The following STARD10 variants were observed in gnomAD, a reference collection of about 807,000 sequenced individuals.
STARD10 encodes the protein START domain-containing protein 10.
In STARD10, 24 loss-of-function variants were observed where a neutral mutation model predicts 36.0. The ratio of observed to expected loss-of-function variants is 0.67; its 90% CI spans 0.48 to 0.94. STARD10 has a LOEUF of 0.94. Ranked by LOEUF, STARD10 falls within the 40% of genes least tolerant of loss-of-function variation. STARD10 has a pLI of 0.00. For synonymous variants in STARD10, 156 were observed against 161.9 expected (o/e 0.96, Z 0.28); for missense variants, 335 against 396.6 (o/e 0.84, Z 1.32).
At chr11:72,792,212 G>A (rs536881636) in intron 1 of STARD10, among the ~76,000 whole-genome samples, 3 of 151,364 alleles carry the variant, frequency 2.0e-5, no homozygotes, top group African/African-American at 7.3e-5. Flanking sequence ...ACAACGCCCG[G>A]TTAATTTTTT....
intron 4 of STARD10, 83 bp from the exon 5 acceptor site, chr11:72,757,967 G>GCA: frequency 8.9e-7 from 1 of 1,119,640 alleles, no homozygotes; most frequent in Non-Finnish European, 1.4e-6. Context: ...ACGCGCACGC[G>GCA]CACACACACA....
chr11:72,773,653 C>T (rs1160361106), intron 2 of STARD10, among the ~76,000 whole-genome samples: 2 of 152,176 alleles, frequency 1.3e-5, no homozygotes, highest in African/African-American at 2.4e-5. Context: ...CCAGCACCTG[C>T]CCCTGAGGAG....
chr11:72,775,202 A>C (rs1858914845), intron 2 of STARD10, among the ~76,000 whole-genome samples: 2 of 152,208 alleles, frequency 1.3e-5, no homozygotes, highest in South Asian at 4.1e-4. Flanking sequence ...GAGTTATGCT[A>C]TAACCATCAT....
At chr11:72,773,504 G>C (rs978746623) in intron 2 of STARD10, among the ~76,000 whole-genome samples, 2 of 152,336 alleles carry the variant, frequency 1.3e-5, no homozygotes, top group African/African-American at 2.4e-5. Flanking sequence ...CACACACACA[G>C]AGTAACGCCA....
intron 2 of STARD10, among the ~76,000 whole-genome samples, chr11:72,766,628 CCT>C (rs1208061877): frequency 1.3e-5 from 2 of 152,136 alleles, no homozygotes; most frequent in African/African-American, 2.4e-5. Flanking sequence ...TCTCCCGCCC[CCT>C]GACTGTGTTC....
In STARD10 at chr11:72,754,767, A is replaced by T; in HGVS notation, c.*130T>A. 7.3e-7 allele frequency: 1 copy of T among 1,364,948 alleles called. No homozygotes were observed. The highest frequency in any genetic ancestry group is 1.3e-5 in the South Asian group (1 of 79,196). 84.6% of individuals were successfully genotyped at this position (1,364,948 alleles called of 1,614,324 possible). A position where few individuals can be genotyped will look rare whatever the true frequency, so the allele number is the denominator to read the frequency against. ...TCGTTTATTGGGGCTCTGTCCAGCC[A>T]GGCTGCAGCACCCGCCTGGGCCTGG... On this transcript the variant is annotated 3_prime_UTR_variant, in exon 7 of 7. Transcript: ENST00000334805.
intron 2 of STARD10, among the ~76,000 whole-genome samples, chr11:72,779,773 T>G (rs1858969106): frequency 6.6e-6 from 1 of 151,900 alleles, no homozygotes; most frequent in Admixed American, 6.6e-5. Flanking sequence ...ATGGCCAAGG[T>G]GCAGACAGAG....
intron 1 of STARD10, among the ~76,000 whole-genome samples, chr11:72,787,632 G>GA (rs1859090615): frequency 6.6e-6 from 1 of 152,226 alleles, no homozygotes; most frequent in Non-Finnish European, 1.5e-5. Context: ...CAGTTCGATT[G>GA]CGGGGTCGAT....
At chr11:72,790,869 G>C (rs191468290) in intron 1 of STARD10, among the ~76,000 whole-genome samples, 1 of 152,198 alleles carries the variant, frequency 6.6e-6, no homozygotes, top group Non-Finnish European at 1.5e-5. Flanking sequence ...AGAAATGCAG[G>C]CACCCAGGGC....
chr11:72,764,676 GTAATT>G (rs1223011514), intron 2 of STARD10, among the ~76,000 whole-genome samples: 1 of 152,228 alleles, frequency 6.6e-6, no homozygotes, highest in Non-Finnish European at 1.5e-5. Context: ...CCCCAAAGGT[GTAATT>G]CTAAGAGGCT....
chr11:72,759,419 G>A (rs1858688423), intron 2 of STARD10, 38 bp from the exon 3 acceptor site: 1 of 1,610,796 alleles, frequency 6.2e-7, no homozygotes, highest in Non-Finnish European at 8.5e-7. Context: ...GATCATATGG[G>A]GCTCAGAGCC....
chr11:72,755,281 T>G, intron 6 of STARD10, 139 bp from the exon 7 acceptor site: 2 of 740,314 alleles, frequency 2.7e-6, no homozygotes, highest in Non-Finnish European at 4.1e-6. Context: ...TTGCCCTCCC[T>G]GGGCCCTAGG....
At chr11:72,783,632 T>C (rs1859033317) in intron 1 of STARD10, 1 of 153,026 alleles carries the variant, frequency 6.5e-6, no homozygotes, top group African/African-American at 2.4e-5. Flanking sequence ...TGCTTTGCTT[T>C]GTGAACTGTA....
chr11:72,776,127 C>G (rs1215873947), intron 2 of STARD10, among the ~76,000 whole-genome samples: 1 of 152,190 alleles, frequency 6.6e-6, no homozygotes, highest in Non-Finnish European at 1.5e-5. Context: ...CCAGGCAGCT[C>G]AGGGCCTAAC....
At chr11:72,757,243 G>C (rs898560684) in intron 5 of STARD10, among the ~76,000 whole-genome samples, 1 of 152,160 alleles carries the variant, frequency 6.6e-6, no homozygotes, top group African/African-American at 2.4e-5. Context: ...TGACTGAAAA[G>C]TGGAGACTTA....
intron 2 of STARD10, among the ~76,000 whole-genome samples, chr11:72,765,315 GAC>G (rs1391018821): frequency 6.6e-6 from 1 of 152,086 alleles, no homozygotes; most frequent in Non-Finnish European, 1.5e-5. Flanking sequence ...GGGAGCAAGT[GAC>G]ACCAGAGAAA....
rs1016106498 is a variant in STARD10, at chr11:72,757,697, A to G, written c.577+70T>C. On this transcript the variant is annotated intron_variant, in intron 5 of 6. Transcript: ENST00000334805. ...CTAACAGATGCCCTTCTGGATCCCTAGTAGATCAGGCCCCACCCCTGTGGT... is the reference window on the plus strand; with the variant it reads ...CTAACAGATGCCCTTCTGGATCCCTGGTAGATCAGGCCCCACCCCTGTGGT... 7 of 1,399,604 alleles carry G rather than the reference A, an allele frequency of 5.0e-6. No individual in the cohort carries two copies. In the African/African-American group the frequency reaches 7.1e-5, roughly 14 times the overall value. 86.7% of individuals were successfully genotyped at this position (1,399,604 alleles called of 1,614,324 possible). A position where few individuals can be genotyped will look rare whatever the true frequency, so the allele number is the denominator to read the frequency against.
chr11:72,757,901 C>T lies in STARD10; in HGVS notation c.460-17G>A, dbSNP rs1345008905. ...TGGGTATTTCTGGGGATGGAAGGCA[C>T]AGGGAGGTGAGACTCGGGGTGGGGG... On this transcript the variant is annotated splice_polypyrimidine_tract_variant and intron_variant, in intron 4 of 6. Coordinates refer to ENST00000334805, the MANE Select transcript of STARD10 (RefSeq NM_006645.3). 21 of 1,612,112 alleles carry T rather than the reference C, an allele frequency of 1.3e-5. No individual in the cohort carries two copies. The highest frequency in any genetic ancestry group is 1.8e-5 in the Non-Finnish European group (21 of 1,178,178).
At chr11:72,779,484 G>A (rs1858965744) in intron 2 of STARD10, among the ~76,000 whole-genome samples, 1 of 152,130 alleles carries the variant, frequency 6.6e-6, no homozygotes, top group South Asian at 2.1e-4. Flanking sequence ...CCCAGCTACT[G>A]CTGGGAGGCA....
Sources: allele counts gnomAD v4.1 joint callset (sites outside exome capture counted in the v4.1 genomes callset), GRCh38; gene constraint gnomAD v4.1.1; transcripts MANE v1.5; gene names NCBI Gene and HGNC (gene_info 2026-07-23, HGNC 2026-07-21).